The following SRPK2 variants were observed in gnomAD, a reference collection of about 807,000 sequenced individuals.
The protein encoded by SRPK2 is SFRS protein kinase 2.
Under a neutral mutation model 90.8 loss-of-function variants are expected in SRPK2, and 21 were observed. The ratio of observed to expected loss-of-function variants is 0.23; its 90% CI spans 0.16 to 0.33. The LOEUF (loss-of-function observed/expected upper bound fraction) is 0.33. Among genes scored for constraint, SRPK2 ranks in the 10% least tolerant of loss-of-function variants. The pLI is 1.00. For synonymous variants in SRPK2, 288 were observed against 311.1 expected, an observed-to-expected ratio of 0.93 and a Z score of 0.78; for missense variants, 620 against 869.0, an observed-to-expected ratio of 0.71 and a Z score of 3.60.
chr7:105,294,029 C>T (rs778984915), intron 2 of SRPK2, among the ~76,000 whole-genome samples: 2 of 152,128 alleles, frequency 1.3e-5, no homozygotes, highest in African/African-American at 4.8e-5. Flanking sequence ...TCCAATCCCT[C>T]GGAGTGATAC....
intron 2 of SRPK2, among the ~76,000 whole-genome samples, chr7:105,370,801 A>G (rs1819610158): frequency 1.3e-5 from 2 of 151,892 alleles, no homozygotes; most frequent in Non-Finnish European, 2.9e-5. Flanking sequence ...ATTTTAGTAG[A>G]GACAGGGTTT....
chr7:105,130,049 C>A (rs1487757160), intron 13 of SRPK2, among the ~76,000 whole-genome samples: 1 of 152,106 alleles, frequency 6.6e-6, no homozygotes, highest in Non-Finnish European at 1.5e-5. Context: ...TATGTACTTA[C>A]ACTGGAAGGT....
At chr7:105,155,245 G>A (rs780996673) in intron 7 of SRPK2, among the ~76,000 whole-genome samples, 3 of 152,134 alleles carry the variant, frequency 2.0e-5, no homozygotes, top group Non-Finnish European at 4.4e-5. Context: ...ACCTCCCAAA[G>A]TGCAGGGATT....
At position 105,384,795 on chromosome 7, in the gene SRPK2, G is replaced by A. The variant is rs1055868667; in HGVS notation, c.71+3853C>T. Among the ~76,000 whole-genome samples the A allele has an allele frequency of 2.6e-5, 4 of 151,876 alleles. No homozygotes were observed. The East Asian group carries it at 5.8e-4, about 22-fold the overall frequency. On this transcript the variant is annotated intron_variant, in intron 2 of 15. Coordinates refer to ENST00000393651, the MANE Select transcript of SRPK2 (RefSeq NM_182692.3). Reference sequence around the variant, plus strand: ...AGGTGCCACTCCTCACACACTCAACGTCACCCGGTTTCCCATGCACTACTG... The same window carrying A: ...AGGTGCCACTCCTCACACACTCAACATCACCCGGTTTCCCATGCACTACTG...
chr7:105,132,930 C>A (rs368136641), intron 12 of SRPK2, 32 bp from the exon 13 acceptor site: 3 of 1,612,348 alleles, frequency 1.9e-6, no homozygotes, highest in African/African-American at 2.7e-5. Flanking sequence ...TACCACGGAG[C>A]AACACAGACA....
intron 3 of SRPK2, among the ~76,000 whole-genome samples, chr7:105,174,412 T>C (rs1170993824): frequency 6.6e-6 from 1 of 152,166 alleles, no homozygotes; most frequent in Admixed American, 6.5e-5. Context: ...ACAAAGTCTC[T>C]TTATTTTCTT....
intron 2 of SRPK2, among the ~76,000 whole-genome samples, chr7:105,326,047 G>A (rs908337159): frequency 3.9e-5 from 6 of 152,218 alleles, no homozygotes; most frequent in East Asian, 3.9e-4. Flanking sequence ...GGTCTGGTGC[G>A]GAGAGCCATC....
At chr7:105,144,580 G>C (rs753489124) in intron 9 of SRPK2, among the ~76,000 whole-genome samples, 1 of 152,112 alleles carries the variant, frequency 6.6e-6, no homozygotes, top group Non-Finnish European at 1.5e-5. Flanking sequence ...CCACAAAATA[G>C]ATCAGTCTCT....
chr7:105,347,277 G>A (rs903558110), intron 2 of SRPK2, among the ~76,000 whole-genome samples: 6 of 151,842 alleles, frequency 4.0e-5, no homozygotes, highest in Non-Finnish European at 7.4e-5. Flanking sequence ...GCCCAGGCTG[G>A]TCTTAAACTC....
At chr7:105,236,030 A>T (rs530511544) in intron 2 of SRPK2, among the ~76,000 whole-genome samples, 1 of 152,324 alleles carries the variant, frequency 6.6e-6, no homozygotes, top group East Asian at 1.9e-4. Flanking sequence ...TGGTTCTCAA[A>T]CTTAGGTATA....
chr7:105,281,964 T>C (rs2130834727), intron 2 of SRPK2, among the ~76,000 whole-genome samples: 1 of 152,220 alleles, frequency 6.6e-6, no homozygotes, highest in Non-Finnish European at 1.5e-5. Context: ...AAGCTGATCA[T>C]CAAATTCATG....
intron 2 of SRPK2, among the ~76,000 whole-genome samples, chr7:105,280,169 C>T (rs117053885): frequency 0.039 from 5,944 of 152,130 alleles, 171 homozygotes; most frequent in Non-Finnish European, 0.062. Context: ...TACCCCAGTA[C>T]TTTGGGAGGC....
upstream of SRPK2, chr7:105,389,000 C>G (rs1822018439): frequency 2.0e-6 from 2 of 1,016,994 alleles, no homozygotes; most frequent in African/African-American, 1.8e-5. Flanking sequence ...GCCCCGCCCC[C>G]ACCCGCCGGC....
intron 2 of SRPK2, among the ~76,000 whole-genome samples, chr7:105,266,011 T>C (rs1805020229): frequency 6.6e-6 from 1 of 152,128 alleles, no homozygotes; most frequent in South Asian, 2.1e-4. Context: ...GAGTCAGCCA[T>C]TCAGAACAGA....
chr7:105,203,522 C>T, intron 3 of SRPK2, 106 bp downstream of exon 3: 1 of 1,284,246 alleles, frequency 7.8e-7, no homozygotes, highest in Non-Finnish European at 1.0e-6. Flanking sequence ...TAATGAAGAC[C>T]AAGCAATTTG....
chr7:105,256,186 C>A (rs186058855), intron 2 of SRPK2, among the ~76,000 whole-genome samples: 1 of 152,162 alleles, frequency 6.6e-6, no homozygotes, highest in African/African-American at 2.4e-5. Flanking sequence ...AAATCCCCTA[C>A]AATAAGTCTG....
intron 2 of SRPK2, among the ~76,000 whole-genome samples, chr7:105,244,211 A>C (rs952736269): frequency 4.0e-4 from 61 of 152,228 alleles, no homozygotes; most frequent in African/African-American, 1.4e-3. Context: ...CCGCTATAAA[A>C]AGAAACATTT....
chr7:105,240,809 C>A (rs1219819157), intron 2 of SRPK2, among the ~76,000 whole-genome samples: 1 of 151,198 alleles, frequency 6.6e-6, no homozygotes, highest in Non-Finnish European at 1.5e-5. Flanking sequence ...TTATTATGGG[C>A]CTTCAATTTC....
At chr7:105,256,857 C>A (rs904697071) in intron 2 of SRPK2, among the ~76,000 whole-genome samples, 1 of 152,170 alleles carries the variant, frequency 6.6e-6, no homozygotes, top group Non-Finnish European at 1.5e-5. Context: ...ACTCATTGGA[C>A]ATACTCTTGG....
Sources: allele counts gnomAD v4.1 joint callset (sites outside exome capture counted in the v4.1 genomes callset), GRCh38; gene constraint gnomAD v4.1.1; transcripts MANE v1.5; gene names NCBI Gene and HGNC (gene_info 2026-07-23, HGNC 2026-07-21).